PTGIS: variants seen among roughly 807,000 people sequenced by gnomAD.
PTGIS encodes prostacyclin synthase.
A neutral mutation model predicts 50.3 loss-of-function variants in PTGIS; 45 were observed. The observed-to-expected ratio is 0.90, with a 90% CI of 0.70 to 1.15. The LOEUF is 1.15. Among genes scored for constraint, PTGIS ranks in the 50% most tolerant of loss-of-function variants. PTGIS has a pLI of 0.00. For synonymous variants in PTGIS, 260 were observed against 267.7 expected (o/e 0.97, Z 0.28); for missense variants, 668 against 661.3 (o/e 1.01, Z -0.11).
intron 7 of PTGIS, among the ~76,000 whole-genome samples, chr20:49,513,721 T>C (rs547411979): frequency 6.6e-6 from 1 of 152,194 alleles, no homozygotes; most frequent in East Asian, 1.9e-4. Flanking sequence ...AGCCCTGTGA[T>C]TGGTTCAGGA....
intron 6 of PTGIS, among the ~76,000 whole-genome samples, chr20:49,519,108 C>A (rs564736910): frequency 6.6e-6 from 1 of 152,080 alleles, no homozygotes; most frequent in Non-Finnish European, 1.5e-5. Flanking sequence ...GGAAGCCTGA[C>A]CTGTGTTTGG....
chr20:49,526,472 G>C (rs1981795812), intron 5 of PTGIS, among the ~76,000 whole-genome samples: 1 of 152,190 alleles, frequency 6.6e-6, no homozygotes, highest in Non-Finnish European at 1.5e-5. Flanking sequence ...GAGTACATAG[G>C]AGGCACTCTA....
intron 5 of PTGIS, among the ~76,000 whole-genome samples, chr20:49,534,377 C>G (rs1207237121): frequency 2.0e-5 from 3 of 152,196 alleles, no homozygotes; most frequent in Non-Finnish European, 4.4e-5. Context: ...GCCCACATGC[C>G]TCTGGTCCCA....
intron 2 of PTGIS, among the ~76,000 whole-genome samples, chr20:49,549,520 T>A (rs753045983): frequency 4.6e-5 from 7 of 152,160 alleles, no homozygotes; most frequent in Non-Finnish European, 1.0e-4. Context: ...CAGATGAAAG[T>A]TGGATGAACA....
chr20:49,508,351 C>A (rs1465518412), intron 9 of PTGIS, among the ~76,000 whole-genome samples: 3 of 152,220 alleles, frequency 2.0e-5, no homozygotes, highest in African/African-American at 4.8e-5. Flanking sequence ...GGCTCTCCAG[C>A]TGTCCCTCCT....
intron 1 of PTGIS, among the ~76,000 whole-genome samples, chr20:49,560,082 C>T (rs1982728676): frequency 6.6e-6 from 1 of 152,060 alleles, no homozygotes; most frequent in South Asian, 2.1e-4. Context: ...CGCCACCACG[C>T]CCGGCCAATT....
chr20:49,518,382 T>G (rs967554510), intron 6 of PTGIS, among the ~76,000 whole-genome samples: 6 of 152,038 alleles, frequency 3.9e-5, no homozygotes, highest in African/African-American at 1.5e-4. Context: ...TAGAGTCTAT[T>G]TAAAACAAAC....
intron 5 of PTGIS, among the ~76,000 whole-genome samples, chr20:49,530,704 T>C (rs1365671124): frequency 1.3e-5 from 2 of 152,214 alleles, no homozygotes; most frequent in African/African-American, 4.8e-5. Flanking sequence ...CATTTGTATG[T>C]CTTCTTTGGG....
chr20:49,536,500 A>ATTTTTTTT (rs1982078403), intron 5 of PTGIS, among the ~76,000 whole-genome samples: 2 of 48,364 alleles, frequency 4.1e-5, no homozygotes, highest in African/African-American at 1.9e-4. Flanking sequence ...TTTTTTTTTG[A>ATTTTTTTT]GACGGAGTCT....
At chr20:49,517,807 C>T (rs963977962) in intron 6 of PTGIS, among the ~76,000 whole-genome samples, 3 of 152,208 alleles carry the variant, frequency 2.0e-5, no homozygotes, top group African/African-American at 2.4e-5. Flanking sequence ...GCTTCCTTGT[C>T]GTTGGTAACA....
intron 1 of PTGIS, among the ~76,000 whole-genome samples, chr20:49,555,705 C>T (rs897148702): frequency 6.6e-6 from 1 of 152,146 alleles, no homozygotes; most frequent in Non-Finnish European, 1.5e-5. Context: ...CTATTGAATA[C>T]CACAGACGTA....
intron 5 of PTGIS, among the ~76,000 whole-genome samples, chr20:49,530,614 G>A (rs1426862429): frequency 6.6e-6 from 1 of 152,184 alleles, no homozygotes; most frequent in Non-Finnish European, 1.5e-5. Context: ...TCTAACGGGT[G>A]TGTGGTGATA....
At chr20:49,563,981 C>T (rs905069226) in intron 1 of PTGIS, among the ~76,000 whole-genome samples, 2 of 152,124 alleles carry the variant, frequency 1.3e-5, no homozygotes, top group African/African-American at 4.8e-5. Flanking sequence ...TAAACTGAGG[C>T]CTGGGAAGCA....
chr20:49,514,164 G>A (rs1477224184), intron 7 of PTGIS, 63 bp downstream of exon 7: 10 of 1,591,416 alleles, frequency 6.3e-6, no homozygotes, highest in Non-Finnish European at 8.6e-6. Context: ...ATGTTGGGGA[G>A]GGCTTTGGGG....
chr20:49,557,291 T>C (rs1053526147), intron 1 of PTGIS, among the ~76,000 whole-genome samples: 1 of 152,002 alleles, frequency 6.6e-6, no homozygotes, highest in Non-Finnish European at 1.5e-5. Context: ...CAAAAGATCT[T>C]AAATAGAAAA....
At chr20:49,539,486 C>T (rs1346053589) in intron 5 of PTGIS, 84 bp downstream of exon 5, 1 of 1,477,296 alleles carries the variant, frequency 6.8e-7, no homozygotes, top group African/African-American at 1.4e-5. Context: ...CCTGTGTTGC[C>T]TCTGGTCCTC....
At chr20:49,567,334 G>A (rs1982925079) in intron 1 of PTGIS, among the ~76,000 whole-genome samples, 1 of 152,224 alleles carries the variant, frequency 6.6e-6, no homozygotes, top group African/African-American at 2.4e-5. Context: ...CCAGGAGGCT[G>A]TGACATCTGA....
Position 49,539,668 on chromosome 20 carries a change from C to G in PTGIS, c.575G>C (p.Ser192Thr). 6 of 1,613,854 alleles carry G rather than the reference C, an allele frequency of 3.7e-6. No individual in the cohort carries two copies. The highest frequency in any genetic ancestry group is 5.1e-6 in the Non-Finnish European group (6 of 1,179,970). Reference protein sequence around the residue: ...GIEALPRTHESQAQDRVHSAD... With the variant: ...GIEALPRTHETQAQDRVHSAD... ...TGAGTGGACGCGGTCCTGGGCCTGG[C>G]TTTCATGGGTGCGTGGCAGCGCCTC... The change falls in exon 5 of 10, where the codon AGC becomes ACC. Residue 192 changes from serine (S) to threonine (T), a missense_variant. Physicochemically the swap from Ser to Thr is moderately conservative, Grantham distance 58 (BLOSUM62 1). Coordinates refer to ENST00000244043, the MANE Select transcript of PTGIS (RefSeq NM_000961.4).
intron 1 of PTGIS, among the ~76,000 whole-genome samples, chr20:49,551,995 A>C (rs1982522258): frequency 6.6e-6 from 1 of 152,106 alleles, no homozygotes; most frequent in African/African-American, 2.4e-5. Flanking sequence ...GGGACCTAAA[A>C]TAATTTCTAA....
Sources: gnomAD v4.1 joint callset for allele counts (sites outside exome capture counted in the v4.1 genomes callset) on GRCh38, gnomAD v4.1.1 for gene constraint, MANE v1.5 for transcripts, NCBI Gene and HGNC (gene_info 2026-07-23, HGNC 2026-07-21) for gene names.